The following PLXNA1 variants were observed in gnomAD, a reference collection of about 807,000 sequenced individuals.
PLXNA1 encodes plexin-A1.
In PLXNA1, 77 loss-of-function variants were observed where a neutral mutation model predicts 191.7. The ratio of observed to expected loss-of-function variants is 0.40; its 90% CI spans 0.33 to 0.49. The LOEUF (loss-of-function observed/expected upper bound fraction) is 0.49, where lower values mean the gene tolerates loss of function less well. Ranked by LOEUF, PLXNA1 falls within the 20% of genes least tolerant of loss-of-function variation. The probability of loss-of-function intolerance (pLI) is 0.63; values close to 1 mark genes in which losing one functional copy is unlikely to be tolerated. For synonymous variants in PLXNA1, 1,137 were observed against 1,156.4 expected, an observed-to-expected ratio of 0.98 and a Z score of 0.34; for missense variants, 2,110 against 2,660.2, an observed-to-expected ratio of 0.79 and a Z score of 4.55.
intron 3 of PLXNA1, among the ~76,000 whole-genome samples, chr3:126,992,816 T>A (rs2078997393): frequency 6.6e-6 from 1 of 152,080 alleles, no homozygotes; most frequent in African/African-American, 2.4e-5. Flanking sequence ...TTGGCCCCCA[T>A]GTGGGGTACC....
chr3:127,030,478 C>A, intron 29 of PLXNA1, 66 bp downstream of exon 29: 2 of 1,568,526 alleles, frequency 1.3e-6, no homozygotes, highest in Non-Finnish European at 1.7e-6. Context: ...CCAGGGCCCT[C>A]GCCCTGTTCT....
In PLXNA1 at chr3:127,028,157, C is replaced by T. The variant is rs570131735; in HGVS notation, c.4510-24C>T. On this transcript the variant is annotated intron_variant, in intron 24 of 31. Coordinates refer to ENST00000393409, the MANE Select transcript of PLXNA1 (RefSeq NM_032242.4). ...CCCCCAGTTGTGGGGCTGACGCTGC[C>T]CCCTTGCTCCACCCCGCCCGCAGAC... 12 of 1,613,316 alleles carry T rather than the reference C, an allele frequency of 7.4e-6. No homozygotes were observed. The East Asian group carries it at 1.1e-4, about 15-fold the overall frequency.
Position 127,015,301 on chromosome 3 carries a change from C to T in PLXNA1, c.2995C>T (p.Arg999Trp), listed in dbSNP as rs554409066. 1.5e-5 allele frequency: 24 copies of T among 1,604,638 alleles called. No homozygotes were observed. The East Asian group carries it at 2.0e-4, about 14-fold the overall frequency. ...GSDVAVSVGG[R>W]PCSFSWRNSR... ...TGATGTGGCTGTGTCGGTCGGTGGCCGGCCCTGCTCCTTCTCCTGGTACGG... is the reference window on the plus strand; with the variant it reads ...TGATGTGGCTGTGTCGGTCGGTGGCTGGCCCTGCTCCTTCTCCTGGTACGG... Residue 999 changes from arginine to tryptophan, a missense_variant, in exon 15 of 32, where the codon CGG becomes TGG. Arg to Trp is a moderately radical substitution (Grantham distance 101, BLOSUM62 -3). Coordinates refer to ENST00000393409, the MANE Select transcript of PLXNA1 (RefSeq NM_032242.4).
intron 15 of PLXNA1, among the ~76,000 whole-genome samples, chr3:127,015,923 C>A (rs532098180): frequency 6.6e-6 from 1 of 152,088 alleles, no homozygotes. Context: ...CCCTGGGATG[C>A]GGGGATAGGG....
chr3:127,014,088 T>C lies in PLXNA1; in HGVS notation c.2382T>C (p.Phe794=), dbSNP rs1443167529. 1 of 1,613,908 alleles carries C rather than the reference T, an allele frequency of 6.2e-7. No individual in the cohort carries two copies. The highest frequency in any genetic ancestry group is 8.5e-7 in the Non-Finnish European group (1 of 1,179,940). ...VNLSVVWNGN[F]VIDNPQNIQA... ...TGTCAGTCGTGTGGAACGGCAACTT[T>C]GTCATTGACAACCCACAGAACATCC... Residue 794 remains phenylalanine (F), a synonymous_variant, in exon 11 of 32, where the codon TTT becomes TTC. Transcript: ENST00000393409.
At chr3:126,994,840 G>A (rs569575318) in intron 3 of PLXNA1, among the ~76,000 whole-genome samples, 1 of 152,062 alleles carries the variant, frequency 6.6e-6, no homozygotes, top group East Asian at 1.9e-4. Context: ...GGGAGAGGCC[G>A]GGCCCCGGGG....
Position 126,983,344 on chromosome 3 carries a change from G to A in PLXNA1, c.-74+57G>A, listed in dbSNP as rs2078940174. ...GGGACGGTGGGCGGGGGCCGGGCCG[G>A]GCTGGGGTCCGGGGCCGGGCGGCCC... On this transcript the variant is annotated intron_variant, in intron 1 of 31. Transcript: ENST00000393409. 4.1e-5 allele frequency among the ~76,000 whole-genome samples: 6 copies of A among 145,260 alleles called. No individual in the cohort carries two copies. In the South Asian group the frequency reaches 1.3e-3, roughly 30 times the overall value.
At position 127,032,454 on chromosome 3, in the gene PLXNA1, A is replaced by G; in HGVS notation, c.5299A>G (p.Ser1767Gly). ...GTTTGTGTTCGACATTCACAAGAAC[A>G]GCATCACGGACGCCTGCTTGTCGGT... ...PQFVFDIHKN[S>G]ITDACLSVVA... Residue 1767 changes from serine (S) to glycine (G), a missense_variant, in exon 30 of 32, where the codon AGC becomes GGC. Coordinates refer to ENST00000393409, the MANE Select transcript of PLXNA1 (RefSeq NM_032242.4). 1 of 1,613,996 alleles carries G rather than the reference A, an allele frequency of 6.2e-7. No homozygotes were observed.
chr3:127,017,097 T>C (rs754176456), intron 17 of PLXNA1, 60 bp downstream of exon 17: 105 of 1,433,624 alleles, frequency 7.3e-5, no homozygotes, highest in Non-Finnish European at 9.5e-5. Context: ...ATGGGGCTCC[T>C]GCTAGGAATA....
Position 127,034,867 on chromosome 3 carries a change from C to G in PLXNA1, c.*850C>G, listed in dbSNP as rs2079232316. 6.5e-6 allele frequency: 1 copy of G among 152,730 alleles called. No individual in the cohort carries two copies. Among genetic ancestry groups the G allele is most frequent in the Non-Finnish European group, 1.5e-5 (1 of 68,098 alleles). 9.5% of individuals were successfully genotyped at this position (152,730 alleles called of 1,614,324 possible). On this transcript the variant is annotated 3_prime_UTR_variant, in exon 32 of 32. Transcript: ENST00000393409. ...CCGCGTCCTACACAGGCTGCCCTGGCAGCTGTCTTCAAGGGTAGGCTGAGC... is the reference window on the plus strand; with the variant it reads ...CCGCGTCCTACACAGGCTGCCCTGGGAGCTGTCTTCAAGGGTAGGCTGAGC...
chr3:126,990,111 C>T (rs1338988275), intron 2 of PLXNA1, among the ~76,000 whole-genome samples: 1 of 152,242 alleles, frequency 6.6e-6, no homozygotes, highest in Non-Finnish European at 1.5e-5. Flanking sequence ...TGGTCCTACA[C>T]CTGGTGCTTG....
intron 3 of PLXNA1, among the ~76,000 whole-genome samples, chr3:126,996,386 C>T (rs556631705): frequency 6.6e-6 from 1 of 152,250 alleles, no homozygotes; most frequent in East Asian, 1.9e-4. Context: ...TCCCCTCATA[C>T]CCCCGGACCC....
Position 127,005,181 on chromosome 3 carries a change from A to G in PLXNA1, c.1835A>G (p.Asp612Gly), listed in dbSNP as rs1576676647. ...ACGGAATCTGAGAGCGTCCTGGAGGATGGCCGGATCCACTGCCGCTCACCC... is the reference window on the plus strand; with the variant it reads ...ACGGAATCTGAGAGCGTCCTGGAGGGTGGCCGGATCCACTGCCGCTCACCC... ...DFTESESVLE[D>G]GRIHCRSPSA... is the part of the protein sequence containing the mutation. The change falls in exon 7 of 32, where the codon GAT (aspartate) becomes GGT (glycine). Residue 612 changes from aspartate to glycine, a missense_variant. Physicochemically the swap from Asp to Gly is moderately conservative, Grantham distance 94 (BLOSUM62 -1). Transcript: ENST00000393409. 1 of 1,612,402 alleles carries G rather than the reference A, an allele frequency of 6.2e-7. No homozygotes were observed. The highest frequency in any genetic ancestry group is 8.5e-7 in the Non-Finnish European group (1 of 1,179,834).
At position 127,014,309 on chromosome 3, in the gene PLXNA1, C is replaced by A; in HGVS notation, c.2538C>A (p.Asp846Glu). 1 of 1,596,968 alleles carries A rather than the reference C, an allele frequency of 6.3e-7. No homozygotes were observed. The highest frequency in any genetic ancestry group is 8.5e-7 in the Non-Finnish European group (1 of 1,176,020). The stretch of plus-strand genomic sequence containing the variant: ...CCCTGCGACACCACTGCGCTGCCGA[C>A]ACACCTGCATCGTGGATGCACGCGC... ...RCSLRHHCAA[D>E]TPASWMHARH... The change falls in exon 12 of 32, where the codon GAC (aspartate) becomes GAA (glutamate). Residue 846 changes from aspartate to glutamate, a missense_variant. Physicochemically the swap from Asp to Glu is conservative, Grantham distance 45 (BLOSUM62 2). Around this residue, in one of 4 missense-constraint regions of PLXNA1, gnomAD observed 644 missense variants for 714.3 expected, o/e 0.90. Coordinates refer to ENST00000393409, the MANE Select transcript of PLXNA1 (RefSeq NM_032242.4).
At chr3:126,994,257 C>T (rs940971469) in intron 3 of PLXNA1, among the ~76,000 whole-genome samples, 2 of 152,150 alleles carry the variant, frequency 1.3e-5, no homozygotes, top group East Asian at 3.9e-4. Flanking sequence ...TCAGTGACCC[C>T]CTCTCTGAGG....
chr3:126,983,666 G>A (rs2078942929), intron 1 of PLXNA1, among the ~76,000 whole-genome samples: 1 of 150,712 alleles, frequency 6.6e-6, no homozygotes, highest in African/African-American at 2.4e-5. Flanking sequence ...GTGGCGGGGG[G>A]CGGGCGCTGC....
In PLXNA1 at chr3:127,018,448, G is replaced by A; in HGVS notation, c.3815G>A (p.Arg1272Gln). 17 of 1,613,038 alleles carry A rather than the reference G, an allele frequency of 1.1e-5. No homozygotes were observed. The highest frequency in any genetic ancestry group is 1.4e-5 in the Non-Finnish European group (17 of 1,179,984). Residue 1272 changes from arginine (R) to glutamine (Q), a missense_variant, in exon 20 of 32, where the codon CGA becomes CAA. Arg to Gln is a conservative substitution (Grantham distance 43, BLOSUM62 1). Around this residue, in one of 4 missense-constraint regions of PLXNA1, gnomAD observed 559 missense variants for 911.5 expected, o/e 0.61. Coordinates refer to ENST00000393409, the MANE Select transcript of PLXNA1 (RefSeq NM_032242.4). Reference protein sequence around the residue: ...AVLIAYKRKSRDADRTLKRLQ... With the variant: ...AVLIAYKRKSQDADRTLKRLQ... ...CTCATCGCCTACAAGCGCAAGTCAC[G>A]AGATGCTGACCGCACACTCAAGCGG...
At chr3:126,993,948 C>T (rs954518291) in intron 3 of PLXNA1, among the ~76,000 whole-genome samples, 7 of 152,216 alleles carry the variant, frequency 4.6e-5, no homozygotes, top group African/African-American at 1.7e-4. Flanking sequence ...TTGTGGGTCC[C>T]AGCCCTCTCC....
chr3:127,028,326 C>T lies in PLXNA1; in HGVS notation c.4655C>T (p.Ala1552Val), dbSNP rs150420289. The change falls in exon 25 of 32, where the codon GCG (alanine) becomes GTG (valine). Residue 1552 changes from alanine (A) to valine (V), a missense_variant. By Grantham distance (64) the Ala-to-Val change is moderately conservative (BLOSUM62 0). Around this residue, in one of 4 missense-constraint regions of PLXNA1, gnomAD observed 559 missense variants for 911.5 expected, o/e 0.61. Coordinates refer to ENST00000393409, the MANE Select transcript of PLXNA1 (RefSeq NM_032242.4). ...GVPYSQRPKA[A>V]DMDLEWRQGR... ...CCCTACTCCCAGCGGCCCAAGGCCG[C>T]GGACATGGACCTGGGTGAGCGGGCG... The T allele has an allele frequency of 3.5e-5, 56 of 1,611,118 alleles. No individual in the cohort carries two copies. Among genetic ancestry groups the T allele is most frequent in the Non-Finnish European group, 4.5e-5 (53 of 1,179,616 alleles).
Sources: gnomAD v4.1 joint callset for allele counts (sites outside exome capture counted in the v4.1 genomes callset) on GRCh38, gnomAD v4.1.1 for gene constraint, gnomAD v4.1.1 regional missense constraint, MANE v1.5 for transcripts, NCBI Gene and HGNC (gene_info 2026-07-23, HGNC 2026-07-21) for gene names.